Variants in ABL1 observed in about 807,000 individuals in gnomAD.
The protein encoded by ABL1 is tyrosine-protein kinase ABL1.
In ABL1, 11 loss-of-function variants were observed where a neutral mutation model predicts 94.7. The ratio of observed to expected loss-of-function variants is 0.12; its 90% CI spans 0.07 to 0.19. The LOEUF (loss-of-function observed/expected upper bound fraction) is 0.19, where lower values mean the gene tolerates loss of function less well. Among genes scored for constraint, ABL1 ranks in the 10% least tolerant of loss-of-function variants. The pLI, the probability that ABL1 is intolerant of heterozygous loss-of-function variation, is 1.00. For synonymous variants in ABL1, 656 were observed against 622.4 expected (o/e 1.05, Z -0.80); for missense variants, 1,082 against 1,489.4 (o/e 0.73, Z 4.50).
chr9:130,759,934 G>A (rs2313532), intron 1 of ABL1, among the ~76,000 whole-genome samples: 77,882 of 149,676 alleles, frequency 0.52, 21,688 homozygotes, highest in African/African-American at 0.72. Flanking sequence ...CTGGGACTAC[G>A]TGCTTGTGCC....
Position 130,746,146 on chromosome 9 carries a change from A to G in ABL1, c.136+31691A>G, listed in dbSNP as rs577239811. The stretch of plus-strand genomic sequence containing the variant: ...AACGTCCCACTGCTGCTTATTTCCA[A>G]GCCTTTCCAAGGTCTTCTGGTCAGG... On this transcript the variant is annotated intron_variant, in intron 1 of 10. Coordinates refer to the ABL1 transcript ENST00000372348. Among the ~76,000 whole-genome samples the G allele has an allele frequency of 1.6e-4, 25 of 152,100 alleles. No individual in the cohort carries two copies. The South Asian group carries it at 5.2e-3, about 32-fold the overall frequency.
chr9:130,855,287 C>A (rs973055986), intron 3 of ABL1, among the ~76,000 whole-genome samples, 191 bp downstream of exon 3: 2 of 152,138 alleles, frequency 1.3e-5, no homozygotes, highest in African/African-American at 4.8e-5. Flanking sequence ...TTACAAGTTC[C>A]TGGGACTGGT....
At position 130,854,175 on chromosome 9, in the gene ABL1, A is replaced by G. The variant is rs1342155042; in HGVS notation, c.191A>G (p.Asn64Ser). 7 of 1,614,032 alleles carry G rather than the reference A, an allele frequency of 4.3e-6. No homozygotes were observed. The highest frequency in any genetic ancestry group is 5.1e-6 in the Non-Finnish European group (6 of 1,180,004). ...GCTGGACCCAGTGAAAATGACCCCA[A>G]CCTTTTCGTTGCACTGTATGATTTT... ...LLAGPSENDP[N>S]LFVALYDFVA... The change falls in exon 2 of 11, where the codon AAC becomes AGC. Residue 64 changes from asparagine to serine, a missense_variant. By Grantham distance (46) the Asn-to-Ser change is conservative. Transcript: ENST00000318560.
chr9:130,733,748 GC>G (rs1831697731), intron 1 of ABL1, among the ~76,000 whole-genome samples: 1 of 151,700 alleles, frequency 6.6e-6, no homozygotes, highest in Admixed American at 6.6e-5. Flanking sequence ...CTGCCACCAC[GC>G]CCGGCTAACT....
chr9:130,796,482 G>A (rs368670900), intron 1 of ABL1, among the ~76,000 whole-genome samples: 4 of 152,126 alleles, frequency 2.6e-5, no homozygotes, highest in East Asian at 1.9e-4. Flanking sequence ...ACCACTGCAC[G>A]CTAGCCTGAT....
chr9:130,884,557 A>G lies in ABL1; in HGVS notation c.2267A>G (p.Lys756Arg). ...QFDSSTFGGH[K>R]SEKPALPRKR... is the part of the protein sequence containing the mutation. Reference sequence around the variant, plus strand: ...GACTCGTCCACATTTGGAGGGCACAAAAGTGAGAAGCCGGCTCTGCCTCGG... The same window carrying G: ...GACTCGTCCACATTTGGAGGGCACAGAAGTGAGAAGCCGGCTCTGCCTCGG... Residue 756 changes from lysine (K) to arginine (R), a missense_variant, in exon 11 of 11, where the codon AAA (lysine) becomes AGA (arginine). Physicochemically the swap from Lys to Arg is conservative, Grantham distance 26. Coordinates refer to ENST00000318560, the MANE Select transcript of ABL1 (RefSeq NM_005157.6). This position sits in a 1 kb window ranked among gnomAD's most constrained non-coding sequence, Gnocchi z 5.6. 6.2e-7 allele frequency: 1 copy of G among 1,613,224 alleles called. No individual in the cohort carries two copies. Among genetic ancestry groups the G allele is most frequent in the Non-Finnish European group, 8.5e-7 (1 of 1,180,026 alleles).
intron 1 of ABL1, among the ~76,000 whole-genome samples, chr9:130,809,127 G>C (rs1275456908): frequency 2.0e-5 from 3 of 152,172 alleles, no homozygotes; most frequent in Non-Finnish European, 4.4e-5. Flanking sequence ...GGCAAGAGAT[G>C]CACAGAGAAG....
intron 1 of ABL1, among the ~76,000 whole-genome samples, chr9:130,753,255 C>T (rs986508451): frequency 2.7e-5 from 4 of 149,984 alleles, no homozygotes. Flanking sequence ...GACTCCATCT[C>T]AAAAAAAAAG....
At chr9:130,861,049 TC>T (rs1282163286) in intron 3 of ABL1, among the ~76,000 whole-genome samples, 1 of 152,114 alleles carries the variant, frequency 6.6e-6, no homozygotes, top group African/African-American at 2.4e-5. Flanking sequence ...ATGGTGTGTG[TC>T]CCTAGAGCAG....
chr9:130,843,382 G>A (rs1212208424), intron 1 of ABL1, among the ~76,000 whole-genome samples: 1 of 152,188 alleles, frequency 6.6e-6, no homozygotes, highest in Non-Finnish European at 1.5e-5. Context: ...CTGCATGCAG[G>A]ATTCATTGAG....
intron 1 of ABL1, among the ~76,000 whole-genome samples, chr9:130,805,684 T>C (rs1830116308): frequency 6.6e-6 from 1 of 152,188 alleles, no homozygotes; most frequent in African/African-American, 2.4e-5. Context: ...GGGAAACTCA[T>C]TTTGACATGC....
upstream of ABL1, among the ~76,000 whole-genome samples, chr9:130,831,402 T>A (rs1408777137): frequency 6.6e-6 from 1 of 152,110 alleles, no homozygotes; most frequent in Non-Finnish European, 1.5e-5. Flanking sequence ...TTAATAGGAC[T>A]AAATTCCAAA....
chr9:130,809,417 AGT>A (rs367661812), intron 1 of ABL1, among the ~76,000 whole-genome samples: 14,828 of 82,990 alleles, frequency 0.18, 1,002 homozygotes, highest in African/African-American at 0.24. Flanking sequence ...AGAGAGAGAG[AGT>A]GTGTGTGTGT....
intron 1 of ABL1, among the ~76,000 whole-genome samples, chr9:130,735,627 T>A (rs1309110569): frequency 8.5e-5 from 13 of 152,066 alleles, no homozygotes; most frequent in Non-Finnish European, 2.9e-5. Context: ...CATATTGGAA[T>A]ATGTATATCT....
At chr9:130,834,764 G>GACTTCCTCCCCAGACACCC (rs1267995872), upstream of ABL1, 14 of 426,482 alleles carry the variant, frequency 3.3e-5, no homozygotes, top group East Asian at 6.8e-4. Context: ...TGCCAGCTCT[G>GACTTCCTCCCCAGACACCC]ACTTCCTCCC....
chr9:130,835,095 C>A, upstream of ABL1: 1 of 272,186 alleles, frequency 3.7e-6, no homozygotes, highest in Non-Finnish European at 7.4e-6. The surrounding 1 kb of genome is among the most constrained non-coding windows in gnomAD (Gnocchi z 4.6). Context: ...TCGCCATTGG[C>A]CCGGGTTGGC....
At chr9:130,797,701 C>A (rs1003394548) in intron 1 of ABL1, among the ~76,000 whole-genome samples, 1 of 152,186 alleles carries the variant, frequency 6.6e-6, no homozygotes, top group African/African-American at 2.4e-5. Context: ...TGACTCCATA[C>A]AAAATATTTA....
intron 1 of ABL1, among the ~76,000 whole-genome samples, chr9:130,824,306 T>C (rs1239541987): frequency 6.6e-6 from 1 of 152,180 alleles, no homozygotes; most frequent in Admixed American, 6.5e-5. Context: ...AGAAGATCCA[T>C]GTCCCAGCTC....
chr9:130,879,169 G>A (rs941580296), intron 8 of ABL1, among the ~76,000 whole-genome samples: 27 of 152,310 alleles, frequency 1.8e-4, no homozygotes, highest in South Asian at 4.1e-4. Flanking sequence ...GAGCCACCAC[G>A]CCCAGCTGCG....
Sources: gnomAD v4.1 joint callset for allele counts (sites outside exome capture counted in the v4.1 genomes callset) on GRCh38, gnomAD v4.1.1 for gene constraint, Gnocchi (gnomAD v3.1) non-coding constraint, MANE v1.5 for transcripts, NCBI Gene and HGNC (gene_info 2026-07-23, HGNC 2026-07-21) for gene names.